TRPM5: variants seen among roughly 807,000 people sequenced by gnomAD.
TRPM5 encodes transient receptor potential cation channel subfamily M member 5.
A neutral mutation model predicts 124.9 loss-of-function variants in TRPM5; 121 were observed. The observed-to-expected ratio is 0.97, with a 90% CI of 0.84 to 1.13. TRPM5 has a LOEUF of 1.13. Among genes scored for constraint, TRPM5 ranks in the 50% most tolerant of loss-of-function variants. The probability of loss-of-function intolerance (pLI) is 0.00; values close to 1 mark genes in which losing one functional copy is unlikely to be tolerated. For missense variants in TRPM5, 1,643 were observed against 1,589.1 expected (o/e 1.03, Z -0.58); for synonymous variants, 781 against 700.5 (o/e 1.11, Z -1.81).
the TRPM5 span, among the ~76,000 whole-genome samples, chr11:2,434,236 ATGTGTGTGCGTGGACAC>A: frequency 6.9e-6 from 1 of 145,624 alleles, no homozygotes; most frequent in African/African-American, 2.6e-5. Flanking sequence ...CTGTGAGTGC[ATGTGTGTGCGTGGACAC>A]TGTGTGTGCG....
At chr11:2,433,363 G>C in the TRPM5 span, among the ~76,000 whole-genome samples, 3 of 152,274 alleles carry the variant, frequency 2.0e-5, no homozygotes, top group Non-Finnish European at 4.4e-5. Context: ...GGAAGGTGTA[G>C]CCTTCTTAGT....
intron 12 of TRPM5, 44 bp downstream of exon 17, chr11:2,414,017 A>ACCCCCCCC: frequency 2.8e-6 from 1 of 357,912 alleles, no homozygotes; most frequent in Non-Finnish European, 5.0e-6. Flanking sequence ...TCGCCCGCCC[A>ACCCCCCCC]CCCCACCCCC....
At chr11:2,406,168 G>C (rs1850320026) in intron 21 of TRPM5, 77 bp from the exon 27 acceptor site, 2 of 1,534,050 alleles carry the variant, frequency 1.3e-6, no homozygotes, top group South Asian at 1.1e-5. Flanking sequence ...CATCCCCCCA[G>C]GCCTCCCTGT....
exon 23 of TRPM5, chr11:2,405,586 T>G (rs987940086): frequency 1.3e-6 from 2 of 1,562,654 alleles, no homozygotes; most frequent in African/African-American, 2.7e-5. Flanking sequence ...CACCGAGCAG[T>G]AGTTGATCTG....
chr11:2,416,589 CTG>C (rs1845685669), intron 7 of TRPM5, among the ~76,000 whole-genome samples: 1 of 152,198 alleles, frequency 6.6e-6, no homozygotes, highest in African/African-American at 2.4e-5. Flanking sequence ...TGGGACCAAA[CTG>C]AGACTGGTGA....
the TRPM5 span, among the ~76,000 whole-genome samples, chr11:2,438,810 C>A: frequency 6.6e-6 from 1 of 152,150 alleles, no homozygotes; most frequent in Non-Finnish European, 1.5e-5. This position sits in a 1 kb window ranked among gnomAD's most constrained non-coding sequence, Gnocchi z 5.9. Flanking sequence ...TCATTTTTCA[C>A]AGAATTAGAA....
At chr11:2,411,254 G>T in intron 18 of TRPM5, 98 bp downstream of exon 23, 1 of 1,371,772 alleles carries the variant, frequency 7.3e-7, no homozygotes, top group Non-Finnish European at 9.6e-7. Context: ...GGGTCTCCAT[G>T]GCCCCAACAG....
chr11:2,435,294 ATGGAGAGGC>A, the TRPM5 span, among the ~76,000 whole-genome samples: 1 of 152,174 alleles, frequency 6.6e-6, no homozygotes. This position sits in a 1 kb window ranked among gnomAD's most constrained non-coding sequence, Gnocchi z 4.1. Flanking sequence ...GGAAGAATTC[ATGGAGAGGC>A]TGCCATCTGT....
At chr11:2,415,640 G>A (rs778124338) in intron 8 of TRPM5, among the ~76,000 whole-genome samples, 169 bp from the exon 14 acceptor site, 2 of 152,214 alleles carry the variant, frequency 1.3e-5, no homozygotes, top group East Asian at 1.9e-4. Flanking sequence ...GCATTGGGGC[G>A]GGCACAGAGG....
intron 15 of TRPM5, 40 bp from the exon 21 acceptor site, chr11:2,412,293 C>G: frequency 6.7e-7 from 1 of 1,495,690 alleles, no homozygotes; most frequent in Non-Finnish European, 9.3e-7. Context: ...GCTGTCCAGC[C>G]GCCCTCGCTG....
rs937681643 is a variant in TRPM5 at position 2,420,389 on chromosome 11, T to G, written c.482A>C (p.His161Pro). 5.0e-6 allele frequency: 8 copies of G among 1,610,370 alleles called. No individual in the cohort carries two copies. The African/African-American group carries it at 9.4e-5, about 19-fold the overall frequency. ...GCTGCCGCCGTCATCCTCAGGGTAG[T>G]GGACAGGAAAATCCTCCTGCGCCCA... Residue 161 changes from histidine to proline, a missense_variant, in exon 4 of 24, where the codon CAC becomes CCC. Physicochemically the swap from His to Pro is moderately conservative, Grantham distance 77. Transcript: ENST00000155858.
At chr11:2,414,009 G>GGGGCGGCCCCCCCCC in intron 12 of TRPM5, 52 bp downstream of exon 17, 2 of 1,023,732 alleles carry the variant, frequency 2.0e-6, no homozygotes, top group Non-Finnish European at 1.4e-6. Context: ...GGCCCAGCTC[G>GGGGCGGCCCCCCCCC]CCCGCCCACC....
At chr11:2,410,552 T>G in intron 18 of TRPM5, 1 of 309,828 alleles carries the variant, frequency 3.2e-6, no homozygotes. Context: ...TTGGGGCTCC[T>G]CACTGAGTCC....
At chr11:2,416,098 A>T (rs1335090286) in intron 7 of TRPM5, 74 bp from the exon 13 acceptor site, 1 of 1,133,144 alleles carries the variant, frequency 8.8e-7, no homozygotes, top group African/African-American at 1.5e-5. Flanking sequence ...AGGGTCCCCA[A>T]AGGTGCGCTG....
upstream of TRPM5, among the ~76,000 whole-genome samples, chr11:2,427,983 G>A (rs1323724939): frequency 6.6e-6 from 1 of 152,216 alleles, no homozygotes; most frequent in Non-Finnish European, 1.5e-5. Flanking sequence ...TGGGCCAGCT[G>A]TGAGTGATGT....
chr11:2,413,611 G>T, intron 12 of TRPM5, 23 bp from the exon 18 acceptor site: 1 of 1,599,026 alleles, frequency 6.3e-7, no homozygotes, highest in Non-Finnish European at 8.5e-7. Flanking sequence ...CAAAACTGTC[G>T]GCTCCAACTC....
At position 2,415,479 on chromosome 11, in the gene TRPM5, G is replaced by A. The variant is rs747859987; in HGVS notation, c.1129-8C>T. 9.1e-6 allele frequency: 14 copies of A among 1,541,862 alleles called. No individual in the cohort carries two copies. Among genetic ancestry groups the A allele is most frequent in the Non-Finnish European group, 1.2e-5 (14 of 1,147,444 alleles). ...CTCCTCCAGGTCACAGGACTTGGCG[G>A]CCATGGGCACCCGAGGGAAGGGGGA... On this transcript the variant is annotated splice_region_variant and splice_polypyrimidine_tract_variant and intron_variant, in intron 8 of 23. Coordinates refer to ENST00000155858, the Ensembl canonical transcript of TRPM5.
Position 2,409,551 on chromosome 11 carries a change from G to A in TRPM5, c.2783-1639C>T, listed in dbSNP as rs541904538. ...CAGAGTGGGGCAGGGGTCTGTTCTG[G>A]GCTCTGAGGAGACCTGCAGGCTGTA... On this transcript the variant is annotated intron_variant, in intron 18 of 23. Coordinates refer to ENST00000155858, the Ensembl canonical transcript of TRPM5. Among the ~76,000 whole-genome samples, 3 of 152,310 alleles carry A rather than the reference G, an allele frequency of 2.0e-5. No individual in the cohort carries two copies. The South Asian group carries it at 6.2e-4, about 32-fold the overall frequency.
intron 6 of TRPM5, 46 bp downstream of exon 11, chr11:2,418,121 C>T (rs750335010): frequency 2.7e-6 from 4 of 1,477,992 alleles, no homozygotes; most frequent in South Asian, 1.3e-5. Context: ...ACCAGCCCCA[C>T]CCCCGGAGGA....
Sources: gnomAD v4.1 joint callset for allele counts (sites outside exome capture counted in the v4.1 genomes callset) on GRCh38, gnomAD v4.1.1 for gene constraint, Gnocchi (gnomAD v3.1) non-coding constraint, MANE v1.5 for transcripts, NCBI Gene and HGNC (gene_info 2026-07-23, HGNC 2026-07-21) for gene names.